The following SLC2A7 variants were observed in gnomAD, a reference collection of about 807,000 sequenced individuals.
SLC2A7 encodes the protein solute carrier family 2, facilitated glucose transporter member 7.
In SLC2A7, 50 loss-of-function variants were observed where a neutral mutation model predicts 50.5. The observed-to-expected ratio is 0.99, with a 90% confidence interval of 0.79 to 1.25. The LOEUF is 1.25. Ranked by LOEUF, SLC2A7 falls within the 50% of genes most tolerant of loss-of-function variation. The pLI, the probability that SLC2A7 is intolerant of heterozygous loss-of-function variation, is 0.00. For synonymous variants in SLC2A7, 308 were observed against 300.4 expected (o/e 1.03, Z -0.26); for missense variants, 683 against 679.1 (o/e 1.01, Z -0.06).
In SLC2A7 at chr1:9,018,285, A is replaced by G; in HGVS notation, c.527T>C (p.Val176Ala). Residue 176 changes from valine (V) to alanine (A), a missense_variant, in exon 5 of 12, where the codon GTC (valine) becomes GCC (alanine). Coordinates refer to ENST00000400906, the MANE Select transcript of SLC2A7 (RefSeq NM_207420.3). ...GMVGTMTEVF[V>A]IVGVFLAQIF... ...CTGTGCTAGGAAGACTCCAACGATG[A>G]CGAAAACCTCGGTCATTGTTCCCAC... 6.2e-7 allele frequency: 1 copy of G among 1,614,104 alleles called. No individual in the cohort carries two copies. Among genetic ancestry groups the G allele is most frequent in the East Asian group, 2.2e-5 (1 of 44,872 alleles).
intron 7 of SLC2A7, 87 bp downstream of exon 7, chr1:9,014,594 G>C: frequency 1.3e-6 from 2 of 1,490,064 alleles, no homozygotes; most frequent in South Asian, 1.2e-5. Flanking sequence ...TGCCAGGCCA[G>C]GCCTCTGTGG....
chr1:9,017,193 G>A (rs1290130135), intron 5 of SLC2A7, among the ~76,000 whole-genome samples: 30 of 152,178 alleles, frequency 2.0e-4, no homozygotes, highest in Admixed American at 1.9e-3. Context: ...GGTGGCGCTC[G>A]CTTGTAATCC....
downstream of SLC2A7, among the ~76,000 whole-genome samples, chr1:9,001,278 G>A (rs1640568468): frequency 1.3e-5 from 2 of 152,026 alleles, no homozygotes; most frequent in South Asian, 4.2e-4. Flanking sequence ...AGGGAGAAAG[G>A]CACAGAGGAT....
chr1:9,002,582 T>C (rs986620244), downstream of SLC2A7, among the ~76,000 whole-genome samples: 4 of 152,150 alleles, frequency 2.6e-5, no homozygotes, highest in African/African-American at 7.2e-5. Context: ...ACCATTACTC[T>C]ATAGTCCTGC....
rs1640698552 is a variant in SLC2A7 at position 9,008,808 on chromosome 1, C to G, written c.1116+1335G>C. 6.6e-6 allele frequency among the ~76,000 whole-genome samples: 1 copy of G among 152,186 alleles called. No individual in the cohort carries two copies. The highest frequency in any genetic ancestry group is 2.1e-4 in the South Asian group (1 of 4,830). ...GACGGGGTTTCACCACGTGGTCAGGCTGCTCTAGAACTCCTGACCTCAGGT... is the reference window on the plus strand; with the variant it reads ...GACGGGGTTTCACCACGTGGTCAGGGTGCTCTAGAACTCCTGACCTCAGGT... On this transcript the variant is annotated intron_variant, in intron 9 of 11. Coordinates refer to ENST00000400906, the MANE Select transcript of SLC2A7 (RefSeq NM_207420.3). The surrounding 1 kb of genome is among the most constrained non-coding windows in gnomAD (Gnocchi z 5.9).
Position 9,019,312 on chromosome 1 carries a change from G to A in SLC2A7, c.333C>T (p.Asn111=), listed in dbSNP as rs1440019049. 6.2e-7 allele frequency: 1 copy of A among 1,614,020 alleles called. No homozygotes were observed. Among genetic ancestry groups the A allele is most frequent in the African/African-American group, 1.3e-5 (1 of 74,936 alleles). The change falls in exon 4 of 12, where the codon AAC becomes AAT. Residue 111 remains asparagine (N), a synonymous_variant. Transcript: ENST00000400906. Reference sequence around the variant, plus strand: ...TGGCGGGGATGATGGCAAAGATGTTGTTGATCAGCAGGGTCCCCTTTCTGC... The same window carrying A: ...TGGCGGGGATGATGGCAAAGATGTTATTGATCAGCAGGGTCCCCTTTCTGC... ...SCGRKGTLLI[N]NIFAIIPAIL...
At chr1:9,006,001 A>C (rs1013182422) in intron 10 of SLC2A7, among the ~76,000 whole-genome samples, 26 of 152,170 alleles carry the variant, frequency 1.7e-4, no homozygotes, top group African/African-American at 3.4e-4. Flanking sequence ...TGTCCACCAC[A>C]ACAACAGCAG....
At chr1:9,001,030 G>C (rs1398028177), downstream of SLC2A7, among the ~76,000 whole-genome samples, 3 of 152,036 alleles carry the variant, frequency 2.0e-5, no homozygotes, top group Non-Finnish European at 4.4e-5. Context: ...AGTCACAATA[G>C]CTGTCATTGT....
chr1:8,995,104 C>T, the SLC2A7 span, among the ~76,000 whole-genome samples: 9 of 151,502 alleles, frequency 5.9e-5, no homozygotes, highest in East Asian at 1.6e-3. Context: ...TCACACGTCT[C>T]CCCACCAGGT....
chr1:9,013,501 G>A, intron 8 of SLC2A7, 24 bp downstream of exon 8: 1 of 1,604,228 alleles, frequency 6.2e-7, no homozygotes, highest in South Asian at 1.1e-5. Context: ...CCTCCAGCAG[G>A]AAGGATGCCT....
At chr1:9,009,163 T>G (rs1557647572) in intron 9 of SLC2A7, among the ~76,000 whole-genome samples, 1 of 152,202 alleles carries the variant, frequency 6.6e-6, no homozygotes, top group Non-Finnish European at 1.5e-5. Context: ...CAGAATGAGC[T>G]CCTCACACAT....
intron 3 of SLC2A7, among the ~76,000 whole-genome samples, chr1:9,021,012 A>C (rs1039246257): frequency 1.3e-5 from 2 of 152,124 alleles, no homozygotes; most frequent in Non-Finnish European, 2.9e-5. Context: ...TGGAACTGTG[A>C]GTCCATTAAA....
At chr1:9,024,423 A>C (rs1272142170) in intron 2 of SLC2A7, among the ~76,000 whole-genome samples, 1 of 152,206 alleles carries the variant, frequency 6.6e-6, no homozygotes. Flanking sequence ...TATGTATACA[A>C]GCGTAAGCAT....
At position 9,008,542 on chromosome 1, in the gene SLC2A7, G is replaced by T. The variant is rs1469705493; in HGVS notation, c.1117-1157C>A. ...CGGTGGTCTCTGCAGGTGGCGCTCA[G>T]TCGTGCTCACCTCTTTTCACTTCCT... is the stretch of plus-strand genomic sequence containing the variant. On this transcript the variant is annotated intron_variant, in intron 9 of 11. Transcript: ENST00000400906. The surrounding 1 kb of genome is among the most constrained non-coding windows in gnomAD (Gnocchi z 5.9). Among the ~76,000 whole-genome samples, 1 of 152,034 alleles carries T rather than the reference G, an allele frequency of 6.6e-6. No homozygotes were observed. The highest frequency in any genetic ancestry group is 1.5e-5 in the Non-Finnish European group (1 of 68,016).
At chr1:8,995,218 G>A in the SLC2A7 span, among the ~76,000 whole-genome samples, 16 of 151,536 alleles carry the variant, frequency 1.1e-4, no homozygotes, top group Admixed American at 2.0e-4. Context: ...GGAGGCCGTC[G>A]CGGGTGGATC....
downstream of SLC2A7, among the ~76,000 whole-genome samples, chr1:9,002,078 CTCCATTG>C (rs61433037): frequency 0.31 from 46,801 of 151,598 alleles, 7,822 homozygotes; most frequent in East Asian, 0.62. Context: ...CATCGCCATT[CTCCATTG>C]TCGAGTACCC....
At chr1:9,019,377 G>T (rs762809953) in intron 3 of SLC2A7, 44 bp from the exon 4 acceptor site, 5 of 1,606,666 alleles carry the variant, frequency 3.1e-6, no homozygotes, top group Non-Finnish European at 3.4e-6. Flanking sequence ...CGTGGAGGCC[G>T]CGGAAGCCCT....
At chr1:9,003,639 C>T (rs1172102681) in intron 11 of SLC2A7, 121 bp from the exon 12 acceptor site, 5 of 802,104 alleles carry the variant, frequency 6.2e-6, no homozygotes, top group Non-Finnish European at 1.0e-5. Flanking sequence ...AGGTGGATCA[C>T]CTGAGGTCAG....
chr1:9,005,370 T>G (rs949011644), intron 10 of SLC2A7, among the ~76,000 whole-genome samples: 4 of 152,210 alleles, frequency 2.6e-5, no homozygotes, highest in Admixed American at 2.0e-4. Context: ...TATCGCTTCC[T>G]TAAGAAGCCT....
Sources: allele counts gnomAD v4.1 joint callset (sites outside exome capture counted in the v4.1 genomes callset), GRCh38; gene constraint gnomAD v4.1.1; non-coding constraint Gnocchi (gnomAD v3.1); transcripts MANE v1.5; gene names NCBI Gene and HGNC (gene_info 2026-07-23, HGNC 2026-07-21).